Variants in KIAA1549 observed in about 807,000 individuals in gnomAD.
The protein encoded by KIAA1549 is UPF0606 protein KIAA1549.
In KIAA1549, 70 loss-of-function variants were observed where a neutral mutation model predicts 156.4. The ratio of observed to expected loss-of-function variants is 0.45; its 90% CI spans 0.37 to 0.55. The LOEUF is 0.55. KIAA1549 is among the 20% of genes least tolerant of loss of function. KIAA1549 has a pLI of 0.00. For synonymous variants in KIAA1549, 1,103 were observed against 1,066.4 expected, an observed-to-expected ratio of 1.03 and a Z score of -0.67; for missense variants, 2,428 against 2,540.9, an observed-to-expected ratio of 0.96 and a Z score of 0.96.
At chr7:138,952,656 T>C (rs1054001217) in intron 1 of KIAA1549, among the ~76,000 whole-genome samples, 1 of 152,204 alleles carries the variant, frequency 6.6e-6, no homozygotes, top group Non-Finnish European at 1.5e-5. Context: ...TTAACAAAAG[T>C]TGCATACTCA....
At chr7:138,924,460 C>T (rs1031995817) in intron 1 of KIAA1549, among the ~76,000 whole-genome samples, 19 of 151,970 alleles carry the variant, frequency 1.3e-4, no homozygotes, top group Admixed American at 6.6e-4. Context: ...GATAAAATAA[C>T]GAAGAAGAGC....
At chr7:138,865,038 G>A (rs563831972) in intron 15 of KIAA1549, among the ~76,000 whole-genome samples, 7 of 152,272 alleles carry the variant, frequency 4.6e-5, no homozygotes, top group African/African-American at 1.7e-4. Context: ...GACCAGCCTA[G>A]GCAACAAGGT....
At chr7:138,907,658 T>C (rs1235401699) in intron 5 of KIAA1549, among the ~76,000 whole-genome samples, 1 of 152,062 alleles carries the variant, frequency 6.6e-6, no homozygotes, top group Non-Finnish European at 1.5e-5. Flanking sequence ...GCTGAGTGTA[T>C]TGCCTTCCTC....
chr7:138,949,382 A>C (rs531105380), intron 1 of KIAA1549, among the ~76,000 whole-genome samples: 1 of 152,226 alleles, frequency 6.6e-6, no homozygotes, highest in Non-Finnish European at 1.5e-5. Flanking sequence ...AGACGAAGTG[A>C]TAATGTCAGG....
At chr7:138,861,649 C>T (rs567964287) in intron 15 of KIAA1549, among the ~76,000 whole-genome samples, 193 bp from the exon 16 acceptor site, 21 of 142,826 alleles carry the variant, frequency 1.5e-4, no homozygotes, top group African/African-American at 5.0e-4. Context: ...GCCAGGAGTT[C>T]GAGACCAGCC....
intron 17 of KIAA1549, among the ~76,000 whole-genome samples, chr7:138,851,808 C>A (rs1183216789): frequency 1.3e-5 from 2 of 152,208 alleles, no homozygotes; most frequent in Admixed American, 1.3e-4. Context: ...GTGCTCCCAG[C>A]CCCATGAGTC....
At position 138,836,668 on chromosome 7, in the gene KIAA1549, T is replaced by C. The variant is rs543858066; in HGVS notation, c.*1238A>G. 3.2e-5 allele frequency: 7 copies of C among 218,972 alleles called. No homozygotes were observed. The highest frequency in any genetic ancestry group is 6.4e-5 in the Non-Finnish European group (7 of 109,064). 13.6% of individuals were successfully genotyped at this position (218,972 alleles called of 1,614,324 possible). A position where few individuals can be genotyped will look rare whatever the true frequency, so the allele number is the denominator to read the frequency against. ...CATCAGGAGTACATCTTAAGCGAGA[T>C]GATCCCCTCTTAGCCCAAAGAGCAT... On this transcript the variant is annotated 3_prime_UTR_variant, in exon 20 of 20. Transcript: ENST00000422774.
At chr7:138,924,417 C>G (rs7804738) in intron 1 of KIAA1549, among the ~76,000 whole-genome samples, 2 of 151,810 alleles carry the variant, frequency 1.3e-5, no homozygotes, top group Non-Finnish European at 2.9e-5. Flanking sequence ...AAAATCACAA[C>G]TATATTTGGA....
Position 138,877,288 on chromosome 7 carries a change from G to A in KIAA1549, c.4345+2250C>T, listed in dbSNP as rs1050156116. Among the ~76,000 whole-genome samples the A allele has an allele frequency of 5.9e-5, 9 of 152,228 alleles. No homozygotes were observed. The South Asian group carries it at 1.9e-3, about 32-fold the overall frequency. ...GTGGGCAGATCACATAAGGCCAGGA[G>A]TTCAAGACCAGCCTGGCCAACATGG... On this transcript the variant is annotated intron_variant, in intron 12 of 19. Transcript: ENST00000422774.
rs1339519055 is a variant in KIAA1549 at position 138,918,375 on chromosome 7, T to A, written c.1251A>T (p.Pro417=). 24 of 1,613,852 alleles carry A rather than the reference T, an allele frequency of 1.5e-5. No individual in the cohort carries two copies. Among genetic ancestry groups the A allele is most frequent in the Non-Finnish European group, 2.0e-5 (24 of 1,179,896 alleles). Reference sequence around the variant, plus strand: ...CAGTGCAGGCCGCACACCAAGTGTATGGTCTGAATGAGGACACCGGGCTCA... The same window carrying A: ...CAGTGCAGGCCGCACACCAAGTGTAAGGTCTGAATGAGGACACCGGGCTCA... The part of the protein sequence containing the change: ...HILSPVSSFR[P]YTWCAACTVP... The change falls in exon 2 of 20, where the codon CCA becomes CCT. Residue 417 remains proline, a synonymous_variant. Coordinates refer to ENST00000422774, the MANE Select transcript of KIAA1549 (RefSeq NM_001164665.2). The surrounding 1 kb of genome is among the most constrained non-coding windows in gnomAD (Gnocchi z 4.2).
intron 1 of KIAA1549, among the ~76,000 whole-genome samples, chr7:138,970,784 A>G (rs1400003751): frequency 6.6e-6 from 1 of 152,204 alleles, no homozygotes; most frequent in Non-Finnish European, 1.5e-5. Context: ...AGCTGGCTCC[A>G]TAAGATCATC....
chr7:138,977,179 T>G (rs891581675), intron 1 of KIAA1549, among the ~76,000 whole-genome samples: 11 of 152,142 alleles, frequency 7.2e-5, no homozygotes, highest in Non-Finnish European at 1.6e-4. Context: ...TATGTAAAAT[T>G]TAAAAGAAAT....
rs913270747 is a variant in KIAA1549, at chr7:138,835,738, C to T, written c.*2168G>A. On this transcript the variant is annotated 3_prime_UTR_variant, in exon 20 of 20. Transcript: ENST00000422774. ...GATAATCGTTCAATTTGGGAGGAGT[C>T]GGGTATTAAACCAAGACCAAGAGAA... 3 of 218,650 alleles carry T rather than the reference C, an allele frequency of 1.4e-5. No individual in the cohort carries two copies. The highest frequency in any genetic ancestry group is 6.7e-5 in the African/African-American group (3 of 44,526). The allele number at this position is 218,650 out of a possible 1,614,324, so 13.5% of individuals were successfully genotyped here.
intron 8 of KIAA1549, among the ~76,000 whole-genome samples, chr7:138,902,870 TG>T (rs1811880539): frequency 6.6e-6 from 1 of 152,090 alleles, no homozygotes; most frequent in South Asian, 2.1e-4. Flanking sequence ...ATGTATGCAG[TG>T]TCATCCAAAG....
At position 138,835,335 on chromosome 7, in the gene KIAA1549, C is replaced by T. The variant is rs973021872; in HGVS notation, c.*2571G>A. 73 of 214,538 alleles carry T rather than the reference C, an allele frequency of 3.4e-4. 1 individual carries two copies. Among genetic ancestry groups the T allele is most frequent in the African/African-American group, 1.5e-3 (66 of 44,258 alleles). 13.3% of individuals were successfully genotyped at this position (214,538 alleles called of 1,614,324 possible). The stretch of plus-strand genomic sequence containing the variant: ...GTGATCCGGGGGCCTGCTCACACCA[C>T]ACCATAACCACCGGCTGTTTATTAT... On this transcript the variant is annotated 3_prime_UTR_variant, in exon 20 of 20. Coordinates refer to ENST00000422774, the MANE Select transcript of KIAA1549 (RefSeq NM_001164665.2).
At chr7:138,909,861 TGCCTGA>T (rs1812117376) in intron 4 of KIAA1549, among the ~76,000 whole-genome samples, 1 of 151,876 alleles carries the variant, frequency 6.6e-6, no homozygotes, top group African/African-American at 2.4e-5. Context: ...GCAAGAGAAT[TGCCTGA>T]GCCCGGGAGG....
intron 18 of KIAA1549, 67 bp downstream of exon 18, chr7:138,844,250 T>C: frequency 6.3e-7 from 1 of 1,586,546 alleles, no homozygotes; most frequent in South Asian, 1.1e-5. Flanking sequence ...CTGAGACACC[T>C]AAAATAAAGT....
chr7:138,874,442 G>C (rs904409912), intron 12 of KIAA1549, among the ~76,000 whole-genome samples: 2 of 152,188 alleles, frequency 1.3e-5, no homozygotes, highest in Non-Finnish European at 2.9e-5. Context: ...TAAATAGCTT[G>C]ATTTAGCCAT....
intron 16 of KIAA1549, among the ~76,000 whole-genome samples, chr7:138,857,367 T>C (rs150039901): frequency 6.6e-6 from 1 of 152,256 alleles, no homozygotes; most frequent in South Asian, 2.1e-4. Context: ...TATTATGTGC[T>C]GCTGTTTTCT....
Sources: allele counts gnomAD v4.1 joint callset (sites outside exome capture counted in the v4.1 genomes callset), GRCh38; gene constraint gnomAD v4.1.1; non-coding constraint Gnocchi (gnomAD v3.1); transcripts MANE v1.5; gene names NCBI Gene and HGNC (gene_info 2026-07-23, HGNC 2026-07-21).